Variants in TTC6 observed in about 807,000 individuals in gnomAD.
TTC6 encodes the protein tetratricopeptide repeat protein 6.
A neutral mutation model predicts 210.4 loss-of-function variants in TTC6; 172 were observed. That is an observed-to-expected ratio of 0.82 (90% CI 0.72 to 0.93). TTC6 has a LOEUF of 0.93. Among genes scored for constraint, TTC6 ranks in the 40% least tolerant of loss-of-function variants. The probability of loss-of-function intolerance (pLI) is 0.00; values close to 1 mark genes in which losing one functional copy is unlikely to be tolerated. For synonymous variants in TTC6, 804 were observed against 819.6 expected (o/e 0.98, Z 0.32); for missense variants, 2,414 against 2,318.1 (o/e 1.04, Z -0.85).
At chr14:37,626,592 C>T (rs987282058) in intron 1 of TTC6, among the ~76,000 whole-genome samples, 9 of 152,130 alleles carry the variant, frequency 5.9e-5, no homozygotes, top group East Asian at 3.9e-4. Context: ...GACCCCAAAA[C>T]GTGAATAGCA....
exon 1 of TTC6, chr14:37,622,923 G>A (rs962933961): frequency 7.2e-6 from 11 of 1,533,742 alleles, no homozygotes; most frequent in East Asian, 2.4e-5. Context: ...TCTGCAGTCC[G>A]AGGCCCAGCT....
At chr14:37,671,780 G>C (rs61988008) in intron 1 of TTC6, among the ~76,000 whole-genome samples, 1 of 151,906 alleles carries the variant, frequency 6.6e-6, no homozygotes, top group African/African-American at 2.4e-5. Context: ...TCCCTATGTG[G>C]TGAGGAAGGG....
intron 10 of TTC6, 26 bp from the exon 13 acceptor site, chr14:37,748,913 A>T (rs1566928635): frequency 9.9e-6 from 14 of 1,420,800 alleles, no homozygotes; most frequent in Middle Eastern, 2.1e-4. Flanking sequence ...TCTGTAATTT[A>T]AAAAAATCAC....
intron 3 of TTC6, among the ~76,000 whole-genome samples, chr14:37,685,003 C>T (rs2095791067): frequency 6.6e-6 from 1 of 152,084 alleles, no homozygotes; most frequent in Admixed American, 6.6e-5. Context: ...CCTAATTGGC[C>T]ATTTCTACTC....
chr14:37,681,095 C>T (rs997857305), intron 2 of TTC6, among the ~76,000 whole-genome samples: 1 of 152,066 alleles, frequency 6.6e-6, no homozygotes, highest in Non-Finnish European at 1.5e-5. Flanking sequence ...GCCTTATGAT[C>T]CAGCATGAGA....
intron 1 of TTC6, among the ~76,000 whole-genome samples, chr14:37,665,602 T>C (rs2095746423): frequency 6.6e-6 from 1 of 150,536 alleles, no homozygotes; most frequent in Non-Finnish European, 1.5e-5. Context: ...GTGGCACGTT[T>C]ACCTGTATAA....
intron 26 of TTC6, among the ~76,000 whole-genome samples, chr14:37,822,380 A>C (rs1313210622): frequency 6.6e-6 from 1 of 152,232 alleles, no homozygotes; most frequent in East Asian, 1.9e-4. Flanking sequence ...GATACTCTTG[A>C]GTAACCTCTA....
At chr14:37,726,407 T>C (rs188697524) in intron 7 of TTC6, among the ~76,000 whole-genome samples, 15 of 152,328 alleles carry the variant, frequency 9.8e-5, no homozygotes, top group Admixed American at 8.5e-4. Flanking sequence ...TTTAACCTGT[T>C]GATACTACGT....
chr14:37,819,102 C>T (rs999888721), intron 26 of TTC6, among the ~76,000 whole-genome samples: 2 of 152,148 alleles, frequency 1.3e-5, no homozygotes, highest in African/African-American at 4.8e-5. Flanking sequence ...ATTTTCATAA[C>T]CCAACTAGAA....
intron 7 of TTC6, among the ~76,000 whole-genome samples, chr14:37,727,510 G>T (rs1334370603): frequency 7.3e-6 from 1 of 137,464 alleles, no homozygotes; most frequent in Non-Finnish European, 1.5e-5. Context: ...AGCTAGGATG[G>T]TCTTGATCTC....
Position 37,632,644 on chromosome 14 carries a change from C to T in TTC6, c.939+9641C>T, listed in dbSNP as rs186614374. 8.9e-3 allele frequency among the ~76,000 whole-genome samples: 1,350 copies of T among 152,306 alleles called. 12 individuals carry two copies. The highest frequency in any genetic ancestry group is 0.013 in the Admixed American group (196 of 15,308). ...TCTGTCCCTTAGCAGAGCTCTTGTG[C>T]TGTACTGGGAGATCTGCTGCTCTCT... On this transcript the variant is annotated intron_variant, in intron 1 of 30. Transcript: ENST00000553443.
intron 6 of TTC6, 120 bp downstream of exon 8, chr14:37,714,916 G>T (rs1052886999): frequency 1.5e-5 from 14 of 904,246 alleles, no homozygotes; most frequent in Middle Eastern, 3.2e-4. Context: ...GGTAGCTCAC[G>T]CCTGTAATCC....
At chr14:37,788,631 A>G (rs565616366) in intron 15 of TTC6, among the ~76,000 whole-genome samples, 25 of 152,144 alleles carry the variant, frequency 1.6e-4, no homozygotes, top group African/African-American at 3.6e-4. Context: ...TTTGAGTCCA[A>G]TTTCAGCTTT....
At chr14:37,664,801 GA>G (rs976828185) in intron 1 of TTC6, among the ~76,000 whole-genome samples, 1 of 149,828 alleles carries the variant, frequency 6.7e-6, no homozygotes, top group African/African-American at 2.4e-5. Context: ...AAATCTACAA[GA>G]AAAAAACAAA....
rs574396283 is a variant in TTC6, at chr14:37,802,715, C to A, written c.4030-1965C>A. ...GTTTGGAATCAAGCACTCTTGCTAG[C>A]TTCATTGACTTTCTTTTTTCTCTTT... On this transcript the variant is annotated intron_variant, in intron 20 of 30. Coordinates refer to ENST00000553443, the Ensembl canonical transcript of TTC6. 2.0e-5 allele frequency among the ~76,000 whole-genome samples: 3 copies of A among 147,630 alleles called. No individual in the cohort carries two copies. In the Admixed American group the frequency reaches 2.1e-4, roughly 10 times the overall value.
In TTC6 at chr14:37,796,374, A is replaced by T. The variant is rs1472427958; in HGVS notation, c.3868+4A>T. On this transcript the variant is annotated splice_donor_region_variant and intron_variant, in intron 19 of 30. Coordinates refer to ENST00000553443, the Ensembl canonical transcript of TTC6. ...CAAATAGCAGAAATGGACAAAGGTAAGTATAATTAATTATAACTTTTAAGA... is the reference window on the plus strand; with the variant it reads ...CAAATAGCAGAAATGGACAAAGGTATGTATAATTAATTATAACTTTTAAGA... 3.6e-6 allele frequency: 4 copies of T among 1,115,046 alleles called. No individual in the cohort carries two copies. In the Admixed American group the frequency reaches 7.1e-5, roughly 20 times the overall value. 69.1% of individuals were successfully genotyped at this position (1,115,046 alleles called of 1,614,324 possible). A position where few individuals can be genotyped will look rare whatever the true frequency, so the allele number is the denominator to read the frequency against.
chr14:37,707,321 TTTTTG>T (rs1463464600), intron 5 of TTC6, among the ~76,000 whole-genome samples: 2 of 152,028 alleles, frequency 1.3e-5, no homozygotes, highest in Admixed American at 1.3e-4. Context: ...GTATAAGACT[TTTTTG>T]TTTTATGTTG....
At chr14:37,764,411 C>T (rs2095992691) in intron 14 of TTC6, among the ~76,000 whole-genome samples, 1 of 152,106 alleles carries the variant, frequency 6.6e-6, no homozygotes, top group Admixed American at 6.5e-5. Context: ...GTTTATTTCT[C>T]CCTCCAATTC....
intron 3 of TTC6, among the ~76,000 whole-genome samples, chr14:37,694,302 A>C (rs1277475016): frequency 6.6e-6 from 1 of 152,228 alleles, no homozygotes; most frequent in Non-Finnish European, 1.5e-5. Flanking sequence ...AAAAGATTTG[A>C]ATATACATTT....
Sources: allele counts gnomAD v4.1 joint callset (sites outside exome capture counted in the v4.1 genomes callset), GRCh38; gene constraint gnomAD v4.1.1; transcripts MANE v1.5; gene names NCBI Gene and HGNC (gene_info 2026-07-23, HGNC 2026-07-21).